FBXO44: variants seen among roughly 807,000 people sequenced by gnomAD.
The protein encoded by FBXO44 is F-box protein 44.
A neutral mutation model predicts 33.5 loss-of-function variants in FBXO44; 25 were observed. The ratio of observed to expected loss-of-function variants is 0.75; its 90% CI spans 0.54 to 1.04. The LOEUF (loss-of-function observed/expected upper bound fraction) is 1.04. Among genes scored for constraint, FBXO44 ranks in the 50% least tolerant of loss-of-function variants. The pLI is 0.00. For synonymous variants in FBXO44, 147 were observed against 152.8 expected, an observed-to-expected ratio of 0.96 and a Z score of 0.28; for missense variants, 311 against 344.0, an observed-to-expected ratio of 0.90 and a Z score of 0.76.
chr1:11,660,760 C>T (rs1012012615), intron 5 of FBXO44, among the ~76,000 whole-genome samples: 1 of 152,122 alleles, frequency 6.6e-6, no homozygotes, highest in African/African-American at 2.4e-5. Flanking sequence ...AGTCTGCTCC[C>T]ACCCTTTTTG....
At chr1:11,659,761 G>A (rs2100648895) in intron 5 of FBXO44, among the ~76,000 whole-genome samples, 1 of 152,228 alleles carries the variant, frequency 6.6e-6, no homozygotes. Flanking sequence ...CTCCCAAAGT[G>A]CTGGAACTAC....
Position 11,661,186 on chromosome 1 carries a change from C to G in FBXO44, c.681C>G (p.His227Gln), listed in dbSNP as rs373432814. The G allele has an allele frequency of 9.0e-5, 146 of 1,614,006 alleles. No individual in the cohort carries two copies. The highest frequency in any genetic ancestry group is 1.2e-4 in the Non-Finnish European group (141 of 1,180,016). ...PPGVRYIWFQ[H>Q]GGVDTHYWAG... ...GCGTCCGCTACATCTGGTTTCAGCACGGCGGCGTGGACACTCATTACTGGG... is the reference window on the plus strand; with the variant it reads ...GCGTCCGCTACATCTGGTTTCAGCAGGGCGGCGTGGACACTCATTACTGGG... Residue 227 changes from histidine (H) to glutamine (Q), a missense_variant, in exon 6 of 6, where the codon CAC becomes CAG. By Grantham distance (24) the His-to-Gln change is conservative. Coordinates refer to ENST00000251547, the MANE Select transcript of FBXO44 (RefSeq NM_033182.7). This position sits in a 1 kb window ranked among gnomAD's most constrained non-coding sequence, Gnocchi z 4.4.
At chr1:11,655,594 C>T (rs1309394490) in intron 1 of FBXO44, 2 of 575,170 alleles carry the variant, frequency 3.5e-6, no homozygotes, top group Non-Finnish European at 6.2e-6. Flanking sequence ...TGGGCAGTGC[C>T]TTCCACCTCT....
chr1:11,661,035 A>G lies in FBXO44; in HGVS notation c.625-95A>G. The G allele has an allele frequency of 7.5e-7, 1 of 1,325,920 alleles. No individual in the cohort carries two copies. The highest frequency in any genetic ancestry group is 1.0e-6 in the Non-Finnish European group (1 of 959,478). The allele number at this position is 1,325,920 out of a possible 1,614,324, so 82.1% of individuals were successfully genotyped here. Reference sequence around the variant, plus strand: ...TGGGCTCAAACAACCCTCCCACCTCAGCCTCCCAAAGTACTGGGATTCCCG... The same window carrying G: ...TGGGCTCAAACAACCCTCCCACCTCGGCCTCCCAAAGTACTGGGATTCCCG... On this transcript the variant is annotated intron_variant, in intron 5 of 5. Coordinates refer to ENST00000251547, the MANE Select transcript of FBXO44 (RefSeq NM_033182.7). The surrounding 1 kb of genome is among the most constrained non-coding windows in gnomAD (Gnocchi z 4.4).
rs1471604187 is a variant in FBXO44, at chr1:11,660,075, T to C, written c.625-1055T>C. ...TCTATGCTATCCATAAGGTAGCCAGTAGCTACATGTGACCACTGAACAGTT... is the reference window on the plus strand; with the variant it reads ...TCTATGCTATCCATAAGGTAGCCAGCAGCTACATGTGACCACTGAACAGTT... On this transcript the variant is annotated intron_variant, in intron 5 of 5. Transcript: ENST00000251547. Among the ~76,000 whole-genome samples the C allele has an allele frequency of 3.9e-5, 6 of 152,276 alleles. No individual in the cohort carries two copies. In the East Asian group the frequency reaches 9.6e-4, roughly 24 times the overall value.
At position 11,661,637 on chromosome 1, in the gene FBXO44, T is replaced by C. The variant is rs1289972128; in HGVS notation, c.*364T>C. On this transcript the variant is annotated 3_prime_UTR_variant, in exon 6 of 6. Coordinates refer to ENST00000251547, the MANE Select transcript of FBXO44 (RefSeq NM_033182.7). The surrounding 1 kb of genome is among the most constrained non-coding windows in gnomAD (Gnocchi z 4.4). The stretch of plus-strand genomic sequence containing the variant: ...CCCTCCTGGGACCATTCTACCTGTG[T>C]TCTTTGACCCTCGGAGCAGGGACAG... The C allele has an allele frequency of 1.5e-5, 4 of 274,960 alleles. No individual in the cohort carries two copies. The highest frequency in any genetic ancestry group is 2.2e-5 in the African/African-American group (1 of 46,254). The allele number at this position is 274,960 out of a possible 1,614,324, so 17.0% of individuals were successfully genotyped here.
At position 11,658,834 on chromosome 1, in the gene FBXO44, C is replaced by T. The variant is rs201438913; in HGVS notation, c.587C>T (p.Ala196Val). 2.7e-5 allele frequency: 44 copies of T among 1,611,826 alleles called. No individual in the cohort carries two copies. The highest frequency in any genetic ancestry group is 9.3e-5 in the African/African-American group (7 of 75,060). ...APLGTFQPDPATIQQKSDAKW... is the reference protein window; with the variant it reads ...APLGTFQPDPVTIQQKSDAKW... Reference sequence around the variant, plus strand: ...CTGGGGACCTTCCAGCCAGACCCGGCGACCATCCAGCAGAAGAGCGATGCC... The same window carrying T: ...CTGGGGACCTTCCAGCCAGACCCGGTGACCATCCAGCAGAAGAGCGATGCC... The change falls in exon 5 of 6, where the codon GCG becomes GTG. Residue 196 changes from alanine to valine, a missense_variant. By Grantham distance (64) the Ala-to-Val change is moderately conservative. Coordinates refer to ENST00000251547, the MANE Select transcript of FBXO44 (RefSeq NM_033182.7).
rs781260518 is a variant in FBXO44 at position 11,661,105 on chromosome 1, C to T, written c.625-25C>T. On this transcript the variant is annotated intron_variant, in intron 5 of 5. Coordinates refer to ENST00000251547, the MANE Select transcript of FBXO44 (RefSeq NM_033182.7). The surrounding 1 kb of genome is among the most constrained non-coding windows in gnomAD (Gnocchi z 4.4). ...GCCTGAGTCAGCTCCCTTGACCTTT[C>T]TCCCCCCTCTACCTGCCCTGCCAGG... 4 of 1,598,678 alleles carry T rather than the reference C, an allele frequency of 2.5e-6. 1 individual carries two copies. In the South Asian group the frequency reaches 4.5e-5, roughly 18 times the overall value.
At chr1:11,658,665 C>T (rs754966515) in intron 4 of FBXO44, 37 bp downstream of exon 4, 3 of 1,603,550 alleles carry the variant, frequency 1.9e-6, no homozygotes, top group South Asian at 1.1e-5. Context: ...GTGGGGCATG[C>T]CAATCAGGCG....
chr1:11,655,676 G>T, intron 1 of FBXO44, 130 bp from the exon 2 acceptor site: 1 of 921,252 alleles, frequency 1.1e-6, no homozygotes, highest in Non-Finnish European at 1.6e-6. Flanking sequence ...CAAGCTCCTT[G>T]GACCGCCCCA....
chr1:11,658,509 T>C (rs1639963547), intron 3 of FBXO44, 24 bp from the exon 4 acceptor site: 2 of 1,589,280 alleles, frequency 1.3e-6, no homozygotes, highest in Admixed American at 1.7e-5. Flanking sequence ...GCCCAGCCCC[T>C]CCCACCCCTC....
At position 11,661,464 on chromosome 1, in the gene FBXO44, G is replaced by A. The variant is rs954531095; in HGVS notation, c.*191G>A. 33 of 778,244 alleles carry A rather than the reference G, an allele frequency of 4.2e-5. 1 individual carries two copies. The highest frequency in any genetic ancestry group is 2.6e-4 in the African/African-American group (15 of 57,086). 48.2% of individuals were successfully genotyped at this position (778,244 alleles called of 1,614,324 possible). On this transcript the variant is annotated 3_prime_UTR_variant, in exon 6 of 6. Transcript: ENST00000251547. The surrounding 1 kb of genome is among the most constrained non-coding windows in gnomAD (Gnocchi z 4.4). ...TGCTGGGGTCGGGCCAGCTCTCCCCGAAAGGTCTTGACCTGAATGATGGCC... is the reference window on the plus strand; with the variant it reads ...TGCTGGGGTCGGGCCAGCTCTCCCCAAAAGGTCTTGACCTGAATGATGGCC...
chr1:11,658,219 C>A (rs115054347), intron 2 of FBXO44, 48 bp from the exon 3 acceptor site: 4 of 1,607,732 alleles, frequency 2.5e-6, no homozygotes, highest in East Asian at 2.2e-5. Flanking sequence ...TGGGAGAAGG[C>A]GGCCACTGAG....
chr1:11,661,169 T>C lies in FBXO44; in HGVS notation c.664T>C (p.Tyr222His), dbSNP rs778634710. The C allele has an allele frequency of 3.1e-6, 5 of 1,613,944 alleles. No homozygotes were observed. The highest frequency in any genetic ancestry group is 3.4e-6 in the Non-Finnish European group (4 of 1,179,876). ...TFSNYPPGVRYIWFQHGGVDT... is the reference protein window; with the variant it reads ...TFSNYPPGVRHIWFQHGGVDT... ...CTCCAACTACCCGCCCGGCGTCCGC[T>C]ACATCTGGTTTCAGCACGGCGGCGT... Residue 222 changes from tyrosine to histidine, a missense_variant, in exon 6 of 6, where the codon TAC becomes CAC. Coordinates refer to ENST00000251547, the MANE Select transcript of FBXO44 (RefSeq NM_033182.7). This position sits in a 1 kb window ranked among gnomAD's most constrained non-coding sequence, Gnocchi z 4.4.
Position 11,658,575 on chromosome 1 carries a change from G to A in FBXO44, c.435G>A (p.Gly145=), listed in dbSNP as rs1395874824. The change falls in exon 4 of 6, where the codon GGG becomes GGA. Residue 145 remains glycine, a synonymous_variant. Transcript: ENST00000251547. ...KSQVVDLKAE[G]YWEELMDTTR... is the part of the protein sequence containing the mutation. ...AGGTGGTGGACCTCAAGGCCGAAGGGTATTGGGAGGAGCTGATGGATACCA... is the reference window on the plus strand; with the variant it reads ...AGGTGGTGGACCTCAAGGCCGAAGGATATTGGGAGGAGCTGATGGATACCA... 1.2e-6 allele frequency: 2 copies of A among 1,613,070 alleles called. No homozygotes were observed. The highest frequency in any genetic ancestry group is 2.2e-5 in the East Asian group (1 of 44,834).
In FBXO44 at chr1:11,658,324, ATCTC is replaced by A. The variant is rs1286811700; in HGVS notation, c.328_331del (p.Ser110GlufsTer40). 4.3e-6 allele frequency: 7 copies of A among 1,613,026 alleles called. No homozygotes were observed. Among genetic ancestry groups the A allele is most frequent in the Non-Finnish European group, 5.9e-6 (7 of 1,179,742 alleles). On this transcript the variant is annotated frameshift_variant, in exon 3 of 6. Coordinates refer to ENST00000251547, the MANE Select transcript of FBXO44 (RefSeq NM_033182.7). LOFTEE classifies it high-confidence loss of function. ...GGAGGCGATGAGTGGAAGGTGGAGG[ATCTC>A]TCTCGAGACCAGAGGAAGGAATTCC...
rs1303534557 is a variant in FBXO44 at position 11,654,884 on chromosome 1, A to T, written c.-99A>T. On this transcript the variant is annotated 5_prime_UTR_variant, in exon 1 of 6. Coordinates refer to ENST00000251547, the MANE Select transcript of FBXO44 (RefSeq NM_033182.7). Reference sequence around the variant, plus strand: ...GGGCCGGGGCGGGGCCTCGCTTTCCAGGCAAGCGCAGGTCCAGGCGGTGCA... The same window carrying T: ...GGGCCGGGGCGGGGCCTCGCTTTCCTGGCAAGCGCAGGTCCAGGCGGTGCA... 2.1e-5 allele frequency: 3 copies of T among 142,808 alleles called. No homozygotes were observed. Among genetic ancestry groups the T allele is most frequent in the African/African-American group, 7.8e-5 (3 of 38,576 alleles). The allele number at this position is 142,808 out of a possible 1,614,324, so 8.8% of individuals were successfully genotyped here. A position where few individuals can be genotyped will look rare whatever the true frequency, so the allele number is the denominator to read the frequency against.
At chr1:11,657,920 G>A (rs1639917910) in intron 2 of FBXO44, among the ~76,000 whole-genome samples, 1 of 152,130 alleles carries the variant, frequency 6.6e-6, no homozygotes, top group Non-Finnish European at 1.5e-5. Flanking sequence ...AGACGACCAA[G>A]GGTCAGAGAG....
At chr1:11,658,485 T>C (rs1361951680) in intron 3 of FBXO44, 48 bp from the exon 4 acceptor site, 1 of 1,608,558 alleles carries the variant, frequency 6.2e-7, no homozygotes, top group Non-Finnish European at 8.5e-7. Flanking sequence ...AGCCCCTCAC[T>C]GCCCTAGTGG....
Sources: allele counts gnomAD v4.1 joint callset (sites outside exome capture counted in the v4.1 genomes callset), GRCh38; gene constraint gnomAD v4.1.1; non-coding constraint Gnocchi (gnomAD v3.1); transcripts MANE v1.5; gene names NCBI Gene and HGNC (gene_info 2026-07-23, HGNC 2026-07-21).